The following PRKG1 variants were observed in gnomAD, a reference collection of about 807,000 sequenced individuals.
PRKG1 encodes protein kinase cGMP-dependent 1.
A neutral mutation model predicts 88.1 loss-of-function variants in PRKG1; 35 were observed. The ratio of observed to expected loss-of-function variants is 0.40; its 90% CI spans 0.30 to 0.53. The LOEUF (loss-of-function observed/expected upper bound fraction) is 0.53. Ranked by LOEUF, PRKG1 falls within the 20% of genes least tolerant of loss-of-function variation. The probability of loss-of-function intolerance (pLI) is 0.59; values close to 1 mark genes in which losing one functional copy is unlikely to be tolerated. For synonymous variants in PRKG1, 303 were observed against 292.5 expected, an observed-to-expected ratio of 1.04 and a Z score of -0.37; for missense variants, 540 against 839.8, an observed-to-expected ratio of 0.64 and a Z score of 4.41.
intron 3 of PRKG1, among the ~76,000 whole-genome samples, chr10:51,522,133 AG>A (rs1164511984): frequency 6.6e-6 from 1 of 152,218 alleles, no homozygotes; most frequent in African/African-American, 2.4e-5. Context: ...CTGTAGGTCT[AG>A]GGCAATGAGT....
intron 3 of PRKG1, among the ~76,000 whole-genome samples, chr10:51,729,472 C>T (rs1343505288): frequency 6.6e-6 from 1 of 151,904 alleles, no homozygotes; most frequent in Non-Finnish European, 1.5e-5. Context: ...ATAATCCCAG[C>T]ACTTTGGGAG....
chr10:51,001,750 TG>T (rs1422612580), intron 1 of PRKG1, among the ~76,000 whole-genome samples: 3 of 151,944 alleles, frequency 2.0e-5, no homozygotes, highest in African/African-American at 7.3e-5. Flanking sequence ...GGTGGTACGG[TG>T]GGGAGAAGAT....
chr10:51,585,149 C>T (rs543326127), intron 3 of PRKG1, among the ~76,000 whole-genome samples: 27 of 152,114 alleles, frequency 1.8e-4, no homozygotes, highest in African/African-American at 6.3e-4. Flanking sequence ...AAACAGGGAG[C>T]ATCAACAGTA....
chr10:51,204,808 A>T (rs1040601866), intron 2 of PRKG1, among the ~76,000 whole-genome samples: 1 of 152,026 alleles, frequency 6.6e-6, no homozygotes, highest in African/African-American at 2.4e-5. Context: ...TTTCAGTTTG[A>T]TTTTATCAGT....
intron 4 of PRKG1, among the ~76,000 whole-genome samples, chr10:51,837,684 A>G (rs561959991): frequency 6.6e-6 from 1 of 152,224 alleles, no homozygotes; most frequent in South Asian, 2.1e-4. Context: ...TCTCTCCAGT[A>G]GCATTTACCA....
At position 51,770,340 on chromosome 10, in the gene PRKG1, A is replaced by G. The variant is rs114132903; in HGVS notation, c.593-34245A>G. Among the ~76,000 whole-genome samples the G allele has an allele frequency of 2.9e-3, 439 of 152,364 alleles. 2 individuals carry two copies. Among genetic ancestry groups the G allele is most frequent in the African/African-American group, 8.5e-3 (352 of 41,590 alleles). ...TCACTGTGAAGAAACAGGTATGTTAATTAAAAGGACATGGCATCAGCAATC... is the reference window on the plus strand; with the variant it reads ...TCACTGTGAAGAAACAGGTATGTTAGTTAAAAGGACATGGCATCAGCAATC... On this transcript the variant is annotated intron_variant, in intron 3 of 17. Transcript: ENST00000373980.
chr10:51,933,950 A>C (rs1842749210), intron 5 of PRKG1, among the ~76,000 whole-genome samples: 1 of 152,120 alleles, frequency 6.6e-6, no homozygotes, highest in South Asian at 2.1e-4. Flanking sequence ...ATAGTTAGGA[A>C]GCATTATTTG....
At chr10:51,618,656 A>G (rs1839127471) in intron 3 of PRKG1, among the ~76,000 whole-genome samples, 1 of 152,140 alleles carries the variant, frequency 6.6e-6, no homozygotes, top group Non-Finnish European at 1.5e-5. Context: ...AGTAATATAG[A>G]GTTTTGGATT....
At chr10:52,125,185 C>A (rs1446476916) in intron 7 of PRKG1, among the ~76,000 whole-genome samples, 2 of 152,060 alleles carry the variant, frequency 1.3e-5, no homozygotes, top group Non-Finnish European at 2.9e-5. Flanking sequence ...TAATTGGCAG[C>A]ACAGTAGGTT....
chr10:51,346,237 G>T (rs1212935710), intron 2 of PRKG1, among the ~76,000 whole-genome samples: 1 of 152,120 alleles, frequency 6.6e-6, no homozygotes, highest in Non-Finnish European at 1.5e-5. Context: ...GCGTACAATT[G>T]GATTCAGAAA....
At chr10:51,698,894 G>A in intron 3 of PRKG1, 2 of 1,611,568 alleles carry the variant, frequency 1.2e-6, no homozygotes, top group Non-Finnish European at 1.7e-6. Flanking sequence ...GCAGAGCCCA[G>A]GGCCAGGGCC....
At chr10:51,393,394 G>A (rs1182804868) in intron 2 of PRKG1, among the ~76,000 whole-genome samples, 3 of 150,420 alleles carry the variant, frequency 2.0e-5, no homozygotes, top group African/African-American at 7.4e-5. Flanking sequence ...GCCAGGCAGA[G>A]GGACTCCTCA....
At chr10:52,250,964 G>C (rs911361801) in intron 9 of PRKG1, among the ~76,000 whole-genome samples, 7 of 152,022 alleles carry the variant, frequency 4.6e-5, no homozygotes, top group Admixed American at 4.6e-4. Flanking sequence ...AAAAATGAAG[G>C]GAAGACACTT....
chr10:51,330,117 ATTTATTT>A (rs1228063967), intron 2 of PRKG1, among the ~76,000 whole-genome samples: 1 of 126,148 alleles, frequency 7.9e-6, no homozygotes, highest in Non-Finnish European at 1.7e-5. Flanking sequence ...TTATTTATTT[ATTTATTT>A]ATTTATTTAT....
intron 5 of PRKG1, among the ~76,000 whole-genome samples, chr10:51,964,904 G>A (rs2133078105): frequency 6.6e-6 from 1 of 152,200 alleles, no homozygotes; most frequent in African/African-American, 2.4e-5. Flanking sequence ...TTTGGTTGCA[G>A]TTTTATTTAA....
intron 3 of PRKG1, among the ~76,000 whole-genome samples, chr10:51,582,552 G>T (rs1448267826): frequency 2.6e-5 from 4 of 151,982 alleles, no homozygotes; most frequent in Admixed American, 2.6e-4. Flanking sequence ...AGAACATGCA[G>T]TGTTTGGTTT....
intron 7 of PRKG1, among the ~76,000 whole-genome samples, chr10:52,105,816 T>G (rs546901512): frequency 2.6e-5 from 4 of 151,892 alleles, no homozygotes; most frequent in Non-Finnish European, 5.9e-5. Context: ...TCAATGCTTC[T>G]TTTATTTTTT....
chr10:50,996,935 G>A (rs1334334301), intron 1 of PRKG1, among the ~76,000 whole-genome samples: 2 of 152,182 alleles, frequency 1.3e-5, no homozygotes, highest in Non-Finnish European at 2.9e-5. Flanking sequence ...GGGGAGGAAG[G>A]CTGAGGAAGG....
chr10:51,881,022 G>C (rs1384292635), intron 4 of PRKG1, among the ~76,000 whole-genome samples: 1 of 149,080 alleles, frequency 6.7e-6, no homozygotes, highest in African/African-American at 2.5e-5. Context: ...GTTACTTAGA[G>C]AAAAGGGGGG....
Sources: gnomAD v4.1 joint callset for allele counts (sites outside exome capture counted in the v4.1 genomes callset) on GRCh38, gnomAD v4.1.1 for gene constraint, MANE v1.5 for transcripts, NCBI Gene and HGNC (gene_info 2026-07-23, HGNC 2026-07-21) for gene names.